The following NRXN3 variants were observed in gnomAD, a reference collection of about 807,000 sequenced individuals.
The protein encoded by NRXN3 is neurexin III.
NRXN3 carries 32 observed loss-of-function variants against 137.6 expected under a neutral mutation model. The ratio of observed to expected loss-of-function variants is 0.23; its 90% confidence interval spans 0.18 to 0.31. NRXN3 has a LOEUF of 0.31. NRXN3 is among the 10% of genes least tolerant of loss of function. NRXN3 has a pLI of 1.00. For synonymous variants in NRXN3, 798 were observed against 784.5 expected (o/e 1.02, Z -0.29); for missense variants, 1,574 against 2,062.5 (o/e 0.76, Z 4.59).
At chr14:78,626,698 G>A (rs2097462097) in intron 4 of NRXN3, among the ~76,000 whole-genome samples, 1 of 152,272 alleles carries the variant, frequency 6.6e-6, no homozygotes, top group Non-Finnish European at 1.5e-5. Context: ...TGCTTATAGG[G>A]TCTTCAGAGG....
chr14:79,222,606 T>C (rs566924081), intron 15 of NRXN3, among the ~76,000 whole-genome samples: 1 of 152,288 alleles, frequency 6.6e-6, no homozygotes, highest in East Asian at 1.9e-4. Context: ...TGCCAAACTG[T>C]CTTTCAGTGT....
chr14:79,629,786 A>G (rs1347748464), intron 16 of NRXN3, among the ~76,000 whole-genome samples: 1 of 151,608 alleles, frequency 6.6e-6, no homozygotes, highest in Non-Finnish European at 1.5e-5. Context: ...GTGATAAAGA[A>G]CAGATATGTT....
chr14:79,083,696 A>G (rs1166632453), intron 15 of NRXN3, among the ~76,000 whole-genome samples: 4 of 152,224 alleles, frequency 2.6e-5, no homozygotes, highest in Admixed American at 2.6e-4. Flanking sequence ...AGATCCCAGT[A>G]GAGTATTTTG....
chr14:78,888,577 G>A (rs1418912824), intron 10 of NRXN3, among the ~76,000 whole-genome samples: 2 of 152,088 alleles, frequency 1.3e-5, no homozygotes, highest in African/African-American at 4.8e-5. Flanking sequence ...GCCGAGCAGT[G>A]TGTTACTTTT....
intron 11 of NRXN3, among the ~76,000 whole-genome samples, chr14:78,962,243 G>C (rs1225981380): frequency 6.6e-6 from 1 of 152,166 alleles, no homozygotes; most frequent in Non-Finnish European, 1.5e-5. Flanking sequence ...ACCTCTGCAA[G>C]CTAAATGTCC....
intron 8 of NRXN3, among the ~76,000 whole-genome samples, chr14:78,789,872 G>A (rs1431194232): frequency 6.6e-6 from 1 of 152,024 alleles, no homozygotes; most frequent in Admixed American, 6.6e-5. Flanking sequence ...AGATGCCTAA[G>A]CTGAATTCTC....
intron 6 of NRXN3, among the ~76,000 whole-genome samples, chr14:78,666,668 C>A (rs1288774670): frequency 6.6e-6 from 1 of 152,202 alleles, no homozygotes. Flanking sequence ...TCTGACTCAT[C>A]TCTGTCCTCT....
At chr14:78,614,822 A>G in intron 4 of NRXN3, 1 of 365,768 alleles carries the variant, frequency 2.7e-6, no homozygotes, top group South Asian at 2.1e-5. Context: ...AGGTAATGAA[A>G]CAACTCTTGT....
intron 16 of NRXN3, among the ~76,000 whole-genome samples, chr14:79,652,427 G>A (rs920465566): frequency 5.9e-5 from 9 of 152,064 alleles, no homozygotes; most frequent in East Asian, 1.9e-4. Flanking sequence ...AGCTCTGACC[G>A]GCTTCCAGAG....
chr14:78,246,436 T>C (rs1278881621), intron 2 of NRXN3, among the ~76,000 whole-genome samples: 59 of 152,186 alleles, frequency 3.9e-4, no homozygotes, highest in Non-Finnish European at 7.3e-5. Flanking sequence ...CCCCTATCTG[T>C]AGAAGGCAAA....
intron 15 of NRXN3, among the ~76,000 whole-genome samples, chr14:79,195,793 T>G (rs61995360): frequency 0.021 from 3,132 of 152,292 alleles, 56 homozygotes; most frequent in Non-Finnish European, 0.032. Context: ...ATAAATTCCT[T>G]TGGCAGATCT....
chr14:79,136,738 A>G (rs1183280778), intron 15 of NRXN3, among the ~76,000 whole-genome samples: 2 of 152,216 alleles, frequency 1.3e-5, no homozygotes, highest in South Asian at 2.1e-4. Context: ...TATGTTCCCC[A>G]GGGACTGCCA....
intron 15 of NRXN3, among the ~76,000 whole-genome samples, chr14:79,383,685 T>G (rs377010204): frequency 1.3e-5 from 2 of 152,280 alleles, no homozygotes; most frequent in African/African-American, 4.8e-5. Context: ...GGAGGACTGC[T>G]TTAACTGTTC....
At chr14:78,653,392 A>G (rs1023255359) in intron 6 of NRXN3, among the ~76,000 whole-genome samples, 1 of 152,232 alleles carries the variant, frequency 6.6e-6, no homozygotes, top group Non-Finnish European at 1.5e-5. Flanking sequence ...CATTCTTGTT[A>G]CCAAGGACAT....
At chr14:78,332,750 A>G (rs2080987633) in intron 4 of NRXN3, among the ~76,000 whole-genome samples, 1 of 152,000 alleles carries the variant, frequency 6.6e-6, no homozygotes, top group Non-Finnish European at 1.5e-5. Context: ...TTTAAAAATT[A>G]TTGTGACTTA....
rs761494841 is a variant in NRXN3, at chr14:78,651,342, T to C, written c.1221+16T>C. ...CCTTAAAGAGGTAAAGTTCACCCAATTCTATTTAATGCACCATGTGATTGT... is the reference window on the plus strand; with the variant it reads ...CCTTAAAGAGGTAAAGTTCACCCAACTCTATTTAATGCACCATGTGATTGT... On this transcript the variant is annotated intron_variant, in intron 6 of 20. Transcript: ENST00000335750. The C allele has an allele frequency of 1.6e-5, 26 of 1,612,674 alleles. No homozygotes were observed. Among genetic ancestry groups the C allele is most frequent in the Non-Finnish European group, 2.2e-5 (26 of 1,178,972 alleles).
intron 16 of NRXN3, among the ~76,000 whole-genome samples, chr14:79,492,490 C>T (rs528882003): frequency 7.2e-5 from 11 of 152,056 alleles, no homozygotes; most frequent in African/African-American, 2.4e-4. Context: ...TCAAGTGATT[C>T]TCCTGCCTTA....
chr14:78,397,383 A>G (rs1356310174), intron 4 of NRXN3, among the ~76,000 whole-genome samples: 2 of 151,764 alleles, frequency 1.3e-5, no homozygotes, highest in Admixed American at 6.6e-5. Flanking sequence ...AGATTGGGTA[A>G]TGTCTATCTT....
intron 4 of NRXN3, among the ~76,000 whole-genome samples, chr14:78,470,786 G>A (rs1027558283): frequency 6.6e-6 from 1 of 152,052 alleles, no homozygotes; most frequent in African/African-American, 2.4e-5. Context: ...ACATTTTGAA[G>A]CACTTTACAG....
Sources: allele counts gnomAD v4.1 joint callset (sites outside exome capture counted in the v4.1 genomes callset), GRCh38; gene constraint gnomAD v4.1.1; transcripts MANE v1.5; gene names NCBI Gene and HGNC (gene_info 2026-07-23, HGNC 2026-07-21).